IL18R1: variants seen among roughly 807,000 people sequenced by gnomAD.
IL18R1 encodes interleukin 18 receptor 1.
In IL18R1, 40 loss-of-function variants were observed where a neutral mutation model predicts 48.5. That is an observed-to-expected ratio of 0.82 (90% confidence interval 0.64 to 1.07). The LOEUF is 1.07. IL18R1 is among the 50% of genes least tolerant of loss of function. The pLI, the probability that IL18R1 is intolerant of heterozygous loss-of-function variation, is 0.00. For synonymous variants in IL18R1, 232 were observed against 225.9 expected (o/e 1.03, Z -0.24); for missense variants, 596 against 633.7 (o/e 0.94, Z 0.64).
rs201204631 is a variant in IL18R1, at chr2:102,372,000, A to C, written c.350A>C (p.His117Pro). 2 of 1,582,738 alleles carry C rather than the reference A, an allele frequency of 1.3e-6. No homozygotes were observed. Among genetic ancestry groups the C allele is most frequent in the Non-Finnish European group, 1.7e-6 (2 of 1,157,820 alleles). Residue 117 changes from histidine to proline, a missense_variant, in exon 4 of 11, where the codon CAC becomes CCC. By Grantham distance (77) the His-to-Pro change is moderately conservative. Coordinates refer to ENST00000233957, the MANE Select transcript of IL18R1 (RefSeq NM_003855.5). Reference protein sequence around the residue: ...WKLNVIRRNKHSCFTERQVTS... With the variant: ...WKLNVIRRNKPSCFTERQVTS... ...TTAAATGTCATCAGAAGAAATAAACACAGCTGTTTCACTGAAAGACAAGTA... is the reference window on the plus strand; with the variant it reads ...TTAAATGTCATCAGAAGAAATAAACCCAGCTGTTTCACTGAAAGACAAGTA...
intron 3 of IL18R1, among the ~76,000 whole-genome samples, chr2:102,369,396 G>T (rs935186256): frequency 6.6e-6 from 1 of 152,244 alleles, no homozygotes; most frequent in African/African-American, 2.4e-5. Flanking sequence ...AACAATGGAA[G>T]CAAGAGATTG....
chr2:102,387,264 T>A (rs569441157), intron 8 of IL18R1, among the ~76,000 whole-genome samples: 6 of 152,246 alleles, frequency 3.9e-5, no homozygotes, highest in Admixed American at 3.9e-4. Context: ...GAGATACAGA[T>A]GCTGAGAGTG....
In IL18R1 at chr2:102,390,054, A is replaced by G. The variant is rs752599188; in HGVS notation, c.950-2A>G. The G allele has an allele frequency of 1.2e-5, 19 of 1,613,384 alleles. No individual in the cohort carries two copies. Among genetic ancestry groups the G allele is most frequent in the Admixed American group, 1.7e-5 (1 of 59,904 alleles). ...CTTTTCCTTTTTCCCTTTCTTTTCT[A>G]GCAGACATGGCTGATATCCCAGGCC... On this transcript the variant is annotated splice_acceptor_variant, in intron 8 of 10. Transcript: ENST00000233957. LOFTEE classifies it high-confidence loss of function.
In IL18R1 at chr2:102,398,240, C is replaced by A. The variant is rs557066375; in HGVS notation, c.*1354C>A. The A allele has an allele frequency of 5.2e-5, 8 of 152,432 alleles. No individual in the cohort carries two copies. The South Asian group carries it at 1.7e-3, about 32-fold the overall frequency. The allele number at this position is 152,432 out of a possible 1,614,324, so 9.4% of individuals were successfully genotyped here. A position where few individuals can be genotyped will look rare whatever the true frequency, so the allele number is the denominator to read the frequency against. On this transcript the variant is annotated 3_prime_UTR_variant, in exon 11 of 11. Coordinates refer to ENST00000233957, the MANE Select transcript of IL18R1 (RefSeq NM_003855.5). ...GTTGGAAGACACATGTCTTACCCCC[C>A]AAAGGGAGCCCAGCACTGGGAGCCT...
rs747285402 is a variant in IL18R1, at chr2:102,371,891, A to G, written c.303-62A>G. 5.6e-6 allele frequency: 5 copies of G among 885,104 alleles called. No individual in the cohort carries two copies. The East Asian group carries it at 1.3e-4, about 24-fold the overall frequency. 54.8% of individuals were successfully genotyped at this position (885,104 alleles called of 1,614,324 possible). On this transcript the variant is annotated intron_variant, in intron 3 of 10. Transcript: ENST00000233957. ...ATTGTAACTGGTTACTAAAGGGAAG[A>G]TGGGTGATATTTGCAAAGTTTCTGT... is the stretch of plus-strand genomic sequence containing the variant.
intron 10 of IL18R1, among the ~76,000 whole-genome samples, chr2:102,395,353 A>C (rs985806018): frequency 6.6e-6 from 1 of 152,154 alleles, no homozygotes; most frequent in Non-Finnish European, 1.5e-5. Context: ...TAAAAAAAAA[A>C]AACAAATGTT....
chr2:102,393,825 T>C lies in IL18R1; in HGVS notation c.1112-644T>C, dbSNP rs376249122. On this transcript the variant is annotated intron_variant, in intron 9 of 10. Coordinates refer to ENST00000233957, the MANE Select transcript of IL18R1 (RefSeq NM_003855.5). ...CAAAATTTCCTCCTTTCAGAAAGCA[T>C]GTCCATCGGGATCACTCTTTATTCT... Among the ~76,000 whole-genome samples the C allele has an allele frequency of 1.9e-4, 29 of 152,330 alleles. 1 individual carries two copies. The highest frequency in any genetic ancestry group is 6.7e-4 in the African/African-American group (28 of 41,582).
intron 1 of IL18R1, among the ~76,000 whole-genome samples, chr2:102,358,612 C>T (rs550926264): frequency 8.5e-5 from 13 of 152,264 alleles, no homozygotes; most frequent in East Asian, 7.7e-4. Flanking sequence ...AAGTGCCCTA[C>T]GTCGGCGGCT....
chr2:102,373,188 G>A (rs1679370266), intron 4 of IL18R1, among the ~76,000 whole-genome samples: 1 of 152,094 alleles, frequency 6.6e-6, no homozygotes, highest in Admixed American at 6.5e-5. Context: ...TTTGTGGGTT[G>A]CCTGTTTATT....
chr2:102,367,124 A>G (rs557232824), intron 2 of IL18R1, among the ~76,000 whole-genome samples: 40 of 152,218 alleles, frequency 2.6e-4, no homozygotes, highest in Non-Finnish European at 4.9e-4. Context: ...ACGAGCACCT[A>G]TCCTGGGTAG....
At chr2:102,387,073 C>T in intron 8 of IL18R1, 73 bp downstream of exon 8, 4 of 1,488,146 alleles carry the variant, frequency 2.7e-6, no homozygotes, top group Non-Finnish European at 2.8e-6. Flanking sequence ...AAGATGGCCA[C>T]TTTCTCATTT....
chr2:102,392,482 C>A (rs1680608151), intron 9 of IL18R1, among the ~76,000 whole-genome samples: 1 of 152,102 alleles, frequency 6.6e-6, no homozygotes, highest in Non-Finnish European at 1.5e-5. Flanking sequence ...GTCAATATGG[C>A]AGTGCAGAGA....
intron 4 of IL18R1, among the ~76,000 whole-genome samples, chr2:102,375,123 G>T (rs1679498271): frequency 6.6e-6 from 1 of 152,200 alleles, no homozygotes; most frequent in Admixed American, 6.5e-5. Flanking sequence ...TGAGGGAGAA[G>T]TCTGTGGGCA....
chr2:102,393,942 G>A (rs576991982), intron 9 of IL18R1, among the ~76,000 whole-genome samples: 1 of 152,232 alleles, frequency 6.6e-6, no homozygotes, highest in Non-Finnish European at 1.5e-5. Context: ...CTTTTTCCAA[G>A]TTGTTGCATG....
At chr2:102,377,814 C>T (rs186613626) in intron 5 of IL18R1, among the ~76,000 whole-genome samples, 4 of 152,278 alleles carry the variant, frequency 2.6e-5, no homozygotes, top group Admixed American at 2.6e-4. Flanking sequence ...GGGTGATCCC[C>T]CTATCTCAAG....
Position 102,397,954 on chromosome 2 carries a change from T to C in IL18R1, c.*1068T>C, listed in dbSNP as rs865848555. ...GGGGTAACTAAATGAATAAATATAA[T>C]AAAGTACTTACAGTGGTTCCTGACA... On this transcript the variant is annotated 3_prime_UTR_variant, in exon 11 of 11. Coordinates refer to ENST00000233957, the MANE Select transcript of IL18R1 (RefSeq NM_003855.5). 2 of 152,268 alleles carry C rather than the reference T, an allele frequency of 1.3e-5. No homozygotes were observed. Among genetic ancestry groups the C allele is most frequent in the African/African-American group, 4.8e-5 (2 of 41,558 alleles). 9.4% of individuals were successfully genotyped at this position (152,268 alleles called of 1,614,324 possible). A position where few individuals can be genotyped will look rare whatever the true frequency, so the allele number is the denominator to read the frequency against.
At position 102,379,261 on chromosome 2, in the gene IL18R1, T is replaced by C. The variant is rs906045247; in HGVS notation, c.626-2359T>C. On this transcript the variant is annotated intron_variant, in intron 5 of 10. Coordinates refer to ENST00000233957, the MANE Select transcript of IL18R1 (RefSeq NM_003855.5). ...GAGTTCGGGACAGGCCTGGCCAACATGGCAAAACCCCATCTCTACTAAAAA... is the reference window on the plus strand; with the variant it reads ...GAGTTCGGGACAGGCCTGGCCAACACGGCAAAACCCCATCTCTACTAAAAA... Among the ~76,000 whole-genome samples, 3 of 151,980 alleles carry C rather than the reference T, an allele frequency of 2.0e-5. No individual in the cohort carries two copies. In the East Asian group the frequency reaches 5.8e-4, roughly 29 times the overall value.
intron 5 of IL18R1, among the ~76,000 whole-genome samples, chr2:102,376,795 A>G (rs1198322436): frequency 6.6e-6 from 1 of 152,246 alleles, no homozygotes; most frequent in Non-Finnish European, 1.5e-5. Context: ...ATCATAAGGC[A>G]CAGCCAATGA....
At chr2:102,356,777 G>A (rs562975902) in intron 1 of IL18R1, among the ~76,000 whole-genome samples, 16 of 152,146 alleles carry the variant, frequency 1.1e-4, no homozygotes, top group Non-Finnish European at 2.1e-4. Flanking sequence ...TAAAAGGGAG[G>A]AGGAATTCCG....
Sources: gnomAD v4.1 joint callset for allele counts (sites outside exome capture counted in the v4.1 genomes callset) on GRCh38, gnomAD v4.1.1 for gene constraint, MANE v1.5 for transcripts, NCBI Gene and HGNC (gene_info 2026-07-23, HGNC 2026-07-21) for gene names.